Variants in MYO3B observed in about 807,000 individuals in gnomAD.
MYO3B encodes myosin IIIB.
Under a neutral mutation model 174.6 loss-of-function variants are expected in MYO3B, and 156 were observed. That is an observed-to-expected ratio of 0.89 (90% CI 0.78 to 1.02). The LOEUF is 1.02. Among genes scored for constraint, MYO3B ranks in the 50% least tolerant of loss-of-function variants. The pLI is 0.00. For missense variants in MYO3B, 1,632 were observed against 1,639.4 expected (o/e 1.00, Z 0.08); for synonymous variants, 563 against 569.1 (o/e 0.99, Z 0.15).
intron 6 of MYO3B, among the ~76,000 whole-genome samples, chr2:170,230,802 A>G (rs1289068920): frequency 1.3e-5 from 2 of 152,208 alleles, no homozygotes; most frequent in Admixed American, 6.5e-5. Flanking sequence ...TAAAAGCTGA[A>G]TAACCAGCAT....
At chr2:170,240,722 T>C (rs2093121561) in intron 7 of MYO3B, among the ~76,000 whole-genome samples, 1 of 152,168 alleles carries the variant, frequency 6.6e-6, no homozygotes, top group South Asian at 2.1e-4. Flanking sequence ...GCTGACATTA[T>C]CAACCTGAAA....
rs142345579 is a variant in MYO3B, at chr2:170,221,228, C to T, written c.603+3833C>T. On this transcript the variant is annotated intron_variant, in intron 6 of 34. Coordinates refer to ENST00000408978, the MANE Select transcript of MYO3B (RefSeq NM_138995.5). Reference sequence around the variant, plus strand: ...TCTTTAGATTAAATACGACAATGCACGCAATACCAATGCCAGTGGAATAAG... The same window carrying T: ...TCTTTAGATTAAATACGACAATGCATGCAATACCAATGCCAGTGGAATAAG... Among the ~76,000 whole-genome samples, 1,060 of 152,106 alleles carry T rather than the reference C, an allele frequency of 7.0e-3. 10 individuals are homozygous for T. Among genetic ancestry groups the T allele is most frequent in the African/African-American group, 0.023 (950 of 41,502 alleles).
intron 22 of MYO3B, among the ~76,000 whole-genome samples, chr2:170,440,798 G>GTTTTTTT (rs745789992): frequency 1.0e-5 from 1 of 99,098 alleles, no homozygotes; most frequent in African/African-American, 4.3e-5. Context: ...TTGGGTGTTG[G>GTTTTTTT]TTTTTTTTTT....
At chr2:170,425,311 C>G (rs1037353396) in intron 22 of MYO3B, among the ~76,000 whole-genome samples, 1 of 152,154 alleles carries the variant, frequency 6.6e-6, no homozygotes, top group African/African-American at 2.4e-5. Flanking sequence ...AATCATTTTG[C>G]TTTGGTGCCA....
chr2:170,557,303 C>T (rs928433063), intron 32 of MYO3B, among the ~76,000 whole-genome samples: 2 of 151,922 alleles, frequency 1.3e-5, no homozygotes, highest in African/African-American at 4.8e-5. Context: ...CCATGCCCAG[C>T]TAATTTCTTG....
intron 22 of MYO3B, among the ~76,000 whole-genome samples, chr2:170,416,621 T>C (rs969527299): frequency 7.4e-6 from 1 of 136,000 alleles, no homozygotes; most frequent in Non-Finnish European, 1.6e-5. Context: ...AAATCCAAAC[T>C]CCTTTTTTTT....
At chr2:170,565,810 T>A (rs2106264634) in intron 32 of MYO3B, among the ~76,000 whole-genome samples, 1 of 152,346 alleles carries the variant, frequency 6.6e-6, no homozygotes, top group East Asian at 1.9e-4. Flanking sequence ...TCTTGTGATT[T>A]ATGTAACTGC....
intron 3 of MYO3B, among the ~76,000 whole-genome samples, chr2:170,209,105 T>C (rs1221736227): frequency 1.3e-5 from 2 of 152,210 alleles, no homozygotes; most frequent in Non-Finnish European, 2.9e-5. Context: ...AAGTCGAGCT[T>C]GACTCCTTAA....
intron 6 of MYO3B, among the ~76,000 whole-genome samples, chr2:170,232,175 C>G (rs995188436): frequency 6.6e-6 from 1 of 152,148 alleles, no homozygotes; most frequent in African/African-American, 2.4e-5. Flanking sequence ...GGAAGAAAGA[C>G]CATTCGACCA....
At chr2:170,222,338 A>AT (rs899858694) in intron 6 of MYO3B, among the ~76,000 whole-genome samples, 7 of 152,096 alleles carry the variant, frequency 4.6e-5, no homozygotes, top group Non-Finnish European at 1.0e-4. Flanking sequence ...CCCTATATTT[A>AT]TTTTCCCGGT....
intron 32 of MYO3B, among the ~76,000 whole-genome samples, chr2:170,573,227 G>GTGTGTGTATA (rs1446970724): frequency 2.2e-5 from 1 of 46,440 alleles, no homozygotes; most frequent in African/African-American, 5.0e-5. Flanking sequence ...TATACTGTGT[G>GTGTGTGTATA]TATATATATA....
chr2:170,576,509 GT>G (rs1244804542), intron 32 of MYO3B, among the ~76,000 whole-genome samples: 1 of 152,212 alleles, frequency 6.6e-6, no homozygotes, highest in Non-Finnish European at 1.5e-5. Context: ...AGCATCCCCT[GT>G]TGGGAGTCCA....
chr2:170,295,338 A>T (rs908600762), intron 7 of MYO3B, among the ~76,000 whole-genome samples: 1 of 149,704 alleles, frequency 6.7e-6, no homozygotes, highest in Non-Finnish European at 1.5e-5. Flanking sequence ...CTTTTTGTGT[A>T]TATTCTATTG....
At chr2:170,238,321 G>A (rs2093094137) in intron 7 of MYO3B, among the ~76,000 whole-genome samples, 1 of 152,050 alleles carries the variant, frequency 6.6e-6, no homozygotes, top group Non-Finnish European at 1.5e-5. Flanking sequence ...TGTTTCATTG[G>A]AATCGATCTC....
intron 23 of MYO3B, among the ~76,000 whole-genome samples, chr2:170,461,898 A>G (rs926356292): frequency 3.9e-5 from 6 of 152,234 alleles, no homozygotes; most frequent in African/African-American, 1.4e-4. Flanking sequence ...GAAAATCCAG[A>G]ATTTACAATT....
At chr2:170,576,697 A>G (rs1259838874) in intron 32 of MYO3B, among the ~76,000 whole-genome samples, 2 of 152,234 alleles carry the variant, frequency 1.3e-5, no homozygotes, top group African/African-American at 4.8e-5. Context: ...TATAACTGCT[A>G]TAGTCCTTGT....
At chr2:170,606,364 G>A (rs1053052724) in intron 32 of MYO3B, among the ~76,000 whole-genome samples, 1 of 152,174 alleles carries the variant, frequency 6.6e-6, no homozygotes, top group Non-Finnish European at 1.5e-5. Flanking sequence ...ACATGGAGAT[G>A]CCATTTGCAT....
At chr2:170,458,127 A>G (rs1485148151) in intron 23 of MYO3B, among the ~76,000 whole-genome samples, 1 of 152,222 alleles carries the variant, frequency 6.6e-6, no homozygotes. Flanking sequence ...CCAGTATTAT[A>G]TACTGTACAT....
At chr2:170,305,063 T>C (rs1240864306) in intron 7 of MYO3B, among the ~76,000 whole-genome samples, 1 of 152,098 alleles carries the variant, frequency 6.6e-6, no homozygotes, top group Non-Finnish European at 1.5e-5. Context: ...ATTTAGATAA[T>C]ATAAATATTT....
Sources: allele counts gnomAD v4.1 joint callset (sites outside exome capture counted in the v4.1 genomes callset), GRCh38; gene constraint gnomAD v4.1.1; transcripts MANE v1.5; gene names NCBI Gene and HGNC (gene_info 2026-07-23, HGNC 2026-07-21).